GLDC: variants seen among roughly 807,000 people sequenced by gnomAD.
The protein encoded by GLDC is glycine decarboxylase, also known as glycine dehydrogenase (decarboxylating), mitochondrial.
A neutral mutation model predicts 121.3 loss-of-function variants in GLDC; 104 were observed. The ratio of observed to expected loss-of-function variants is 0.86; its 90% confidence interval spans 0.73 to 1.01. GLDC has a LOEUF of 1.01. GLDC is among the 50% of genes least tolerant of loss of function. The pLI is 0.00. For missense variants in GLDC, 1,429 were observed against 1,306.6 expected (o/e 1.09, Z -1.44); for synonymous variants, 546 against 480.6 (o/e 1.14, Z -1.78).
intron 21 of GLDC, among the ~76,000 whole-genome samples, chr9:6,545,361 C>T (rs1208923466): frequency 6.6e-6 from 1 of 152,102 alleles, no homozygotes; most frequent in Non-Finnish European, 1.5e-5. Flanking sequence ...ACACAATGGT[C>T]CGAATCTGTG....
intron 15 of GLDC, among the ~76,000 whole-genome samples, chr9:6,580,475 G>A (rs116471380): frequency 0.026 from 3,975 of 152,216 alleles, 186 homozygotes; most frequent in African/African-American, 0.09. Context: ...GGGGTCTACT[G>A]ATCCGGAAGA....
At chr9:6,643,117 C>CA (rs1819661444) in intron 2 of GLDC, among the ~76,000 whole-genome samples, 1 of 152,014 alleles carries the variant, frequency 6.6e-6, no homozygotes, top group Admixed American at 6.6e-5. Flanking sequence ...AAACTGGTCT[C>CA]AAACTGCTGG....
chr9:6,629,943 A>ATATATATATATATATATATATATATG (rs1554650756), intron 2 of GLDC, among the ~76,000 whole-genome samples: 3 of 80,656 alleles, frequency 3.7e-5, no homozygotes, highest in African/African-American at 1.6e-4. Flanking sequence ...ATATATATAT[A>ATATATATATATATATATATATATATG]TGTATATATA....
chr9:6,611,555 C>CA (rs34302796), intron 3 of GLDC, among the ~76,000 whole-genome samples: 44,642 of 140,810 alleles, frequency 0.32, 6,980 homozygotes, highest in East Asian at 0.46. Flanking sequence ...GACTCCGTCT[C>CA]AAAAAAAAAA....
intron 15 of GLDC, among the ~76,000 whole-genome samples, chr9:6,574,931 A>G (rs1290048149): frequency 6.6e-6 from 1 of 152,114 alleles, no homozygotes. Flanking sequence ...TGATATGCAT[A>G]TGATAGCCAC....
At chr9:6,554,866 C>T (rs1403652396) in intron 18 of GLDC, 85 bp from the exon 19 acceptor site, 85 of 942,500 alleles carry the variant, frequency 9.0e-5, no homozygotes, top group Non-Finnish European at 1.3e-4. Context: ...CCGGTGCTGC[C>T]TTCTCCCCTC....
At chr9:6,604,289 C>A (rs1380771360) in intron 7 of GLDC, among the ~76,000 whole-genome samples, 1 of 152,168 alleles carries the variant, frequency 6.6e-6, no homozygotes, top group Non-Finnish European at 1.5e-5. Context: ...TGTCGAGACA[C>A]AAAACATGCC....
At chr9:6,553,554 G>C (rs1817558915) in intron 19 of GLDC, 45 bp from the exon 20 acceptor site, 3 of 1,596,768 alleles carry the variant, frequency 1.9e-6, no homozygotes, top group Non-Finnish European at 2.6e-6. Context: ...AAACGATTCA[G>C]TTTAATCTAA....
intron 2 of GLDC, 101 bp downstream of exon 2, chr9:6,644,513 G>T (rs1819698379): frequency 2.5e-6 from 2 of 805,138 alleles, no homozygotes; most frequent in Admixed American, 1.9e-5. Context: ...CACATTCCCA[G>T]TCCTGAGCAA....
At chr9:6,621,468 T>C (rs1819092264) in intron 2 of GLDC, among the ~76,000 whole-genome samples, 1 of 152,174 alleles carries the variant, frequency 6.6e-6, no homozygotes, top group Non-Finnish European at 1.5e-5. Context: ...ACACTTTAAC[T>C]CACTGGACTA....
intron 23 of GLDC, 71 bp downstream of exon 23, chr9:6,535,993 G>T: frequency 7.8e-7 from 1 of 1,276,540 alleles, no homozygotes; most frequent in South Asian, 1.2e-5. Flanking sequence ...TTCGGGAGTT[G>T]CTGGTACACT....
intron 21 of GLDC, among the ~76,000 whole-genome samples, chr9:6,544,649 A>G (rs1178751834): frequency 1.3e-5 from 2 of 151,876 alleles, no homozygotes; most frequent in Non-Finnish European, 2.9e-5. Flanking sequence ...AAAAAAAAAA[A>G]AAAAAAAAAT....
At chr9:6,622,261 C>CCCCACGGTCTCCCTCTCCCTCTT in intron 2 of GLDC, among the ~76,000 whole-genome samples, 1 of 152,036 alleles carries the variant, frequency 6.6e-6, no homozygotes, top group East Asian at 1.9e-4. Flanking sequence ...CTCCCCCTCT[C>CCCCACGGTCTCCCTCTCCCTCTT]CCCACGGTCT....
chr9:6,640,961 T>A (rs1819618980), intron 2 of GLDC, among the ~76,000 whole-genome samples: 1 of 152,186 alleles, frequency 6.6e-6, no homozygotes, highest in African/African-American at 2.4e-5. Context: ...CTAGTCCTTT[T>A]GTTGTTGTTG....
intron 22 of GLDC, among the ~76,000 whole-genome samples, chr9:6,538,813 A>C (rs1817192568): frequency 6.6e-6 from 1 of 152,178 alleles, no homozygotes. Flanking sequence ...GCCATTACCC[A>C]ATCGCTAGCC....
intron 22 of GLDC, among the ~76,000 whole-genome samples, chr9:6,536,695 C>T (rs10465093): frequency 0.15 from 23,261 of 151,992 alleles, 2,028 homozygotes; most frequent in East Asian, 0.26. Context: ...TCTTTCACTT[C>T]GATTGTATTT....
At chr9:6,550,483 C>T (rs1292301652) in intron 21 of GLDC, among the ~76,000 whole-genome samples, 7 of 151,896 alleles carry the variant, frequency 4.6e-5, no homozygotes, top group East Asian at 1.9e-4. Context: ...AAAAATTAGC[C>T]GGGCATGGTG....
chr9:6,599,044 C>T (rs956936447), intron 8 of GLDC, among the ~76,000 whole-genome samples: 1 of 152,102 alleles, frequency 6.6e-6, no homozygotes, highest in African/African-American at 2.4e-5. Context: ...ATTAGCCAGG[C>T]ATGGTCGTGG....
intron 21 of GLDC, among the ~76,000 whole-genome samples, chr9:6,546,134 AAC>A (rs1009384967): frequency 2.6e-4 from 39 of 152,078 alleles, no homozygotes; most frequent in Admixed American, 2.3e-3. Flanking sequence ...CTAAGACACA[AAC>A]ACACACCTTT....
Sources: gnomAD v4.1 joint callset for allele counts (sites outside exome capture counted in the v4.1 genomes callset) on GRCh38, gnomAD v4.1.1 for gene constraint, MANE v1.5 for transcripts, NCBI Gene and HGNC (gene_info 2026-07-23, HGNC 2026-07-21) for gene names.